TRPC7: variants seen among roughly 807,000 people sequenced by gnomAD.
The protein encoded by TRPC7 is short transient receptor potential channel 7.
In TRPC7, 42 loss-of-function variants were observed where a neutral mutation model predicts 90.1. That is an observed-to-expected ratio of 0.47 (90% CI 0.36 to 0.60). TRPC7 has a LOEUF of 0.60. Ranked by LOEUF, TRPC7 falls within the 20% of genes least tolerant of loss-of-function variation. The pLI, the probability that TRPC7 is intolerant of heterozygous loss-of-function variation, is 0.00. For missense variants in TRPC7, 955 were observed against 1,112.3 expected (o/e 0.86, Z 2.01); for synonymous variants, 451 against 436.3 (o/e 1.03, Z -0.42).
intron 3 of TRPC7, among the ~76,000 whole-genome samples, chr5:136,284,553 C>T (rs1439307392): frequency 1.3e-5 from 2 of 152,202 alleles, no homozygotes; most frequent in Non-Finnish European, 2.9e-5. Flanking sequence ...GAGCCAAGCA[C>T]TAGGGACACA....
chr5:136,289,543 T>C (rs111538245), intron 3 of TRPC7, among the ~76,000 whole-genome samples: 45 of 152,314 alleles, frequency 3.0e-4, no homozygotes, highest in African/African-American at 1.0e-3. Context: ...GCCTTGCTCA[T>C]TGCTAGCACA....
chr5:136,276,853 G>A (rs916771955), intron 3 of TRPC7, among the ~76,000 whole-genome samples: 1 of 152,252 alleles, frequency 6.6e-6, no homozygotes, highest in Non-Finnish European at 1.5e-5. Flanking sequence ...TCTAGTCATA[G>A]CACAGTCTCA....
At chr5:136,241,273 C>T (rs1475301726) in intron 7 of TRPC7, among the ~76,000 whole-genome samples, 1 of 152,228 alleles carries the variant, frequency 6.6e-6, no homozygotes, top group African/African-American at 2.4e-5. Flanking sequence ...GATTAGAAAA[C>T]TCTCAACCCA....
At chr5:136,227,243 T>C (rs765034495) in intron 8 of TRPC7, among the ~76,000 whole-genome samples, 5 of 152,116 alleles carry the variant, frequency 3.3e-5, no homozygotes, top group Non-Finnish European at 7.4e-5. Flanking sequence ...ACCTCTGTCC[T>C]AGGAGGGCAG....
At chr5:136,326,932 G>C (rs1314824433) in intron 2 of TRPC7, among the ~76,000 whole-genome samples, 1 of 152,150 alleles carries the variant, frequency 6.6e-6, no homozygotes, top group South Asian at 2.1e-4. Context: ...AGAAGACCTG[G>C]GGGGAGGTGA....
At position 136,357,431 on chromosome 5, in the gene TRPC7, C is replaced by G; in HGVS notation, c.3-46G>C. 3.3e-6 allele frequency: 5 copies of G among 1,533,186 alleles called. No homozygotes were observed. In the African/African-American group the frequency reaches 4.1e-5, roughly 13 times the overall value. The allele number at this position is 1,533,186 out of a possible 1,614,324, so 95.0% of individuals were successfully genotyped here. ...GCCCTGTTACTTTCCTGCGGATTCC[C>G]TAGCAGTAGAGCACACAAAAATGGT... On this transcript the variant is annotated intron_variant, in intron 1 of 11. Coordinates refer to ENST00000513104, the MANE Select transcript of TRPC7 (RefSeq NM_020389.3).
At chr5:136,293,368 CAT>C (rs1580912314) in intron 3 of TRPC7, among the ~76,000 whole-genome samples, 1 of 152,314 alleles carries the variant, frequency 6.6e-6, no homozygotes, top group East Asian at 1.9e-4. Context: ...TTGCAGATGA[CAT>C]GATTGTATAT....
At chr5:136,243,514 G>A (rs1184564057) in intron 7 of TRPC7, among the ~76,000 whole-genome samples, 1 of 152,006 alleles carries the variant, frequency 6.6e-6, no homozygotes, top group African/African-American at 2.4e-5. Context: ...TGGGTCAAAG[G>A]GAAGATTATG....
At chr5:136,293,197 A>G (rs1224719575) in intron 3 of TRPC7, among the ~76,000 whole-genome samples, 1 of 152,220 alleles carries the variant, frequency 6.6e-6, no homozygotes, top group African/African-American at 2.4e-5. Flanking sequence ...TGAATGGACA[A>G]AAACTGGAAG....
intron 2 of TRPC7, among the ~76,000 whole-genome samples, chr5:136,351,435 A>G (rs7711273): frequency 0.022 from 3,281 of 152,322 alleles, 126 homozygotes; most frequent in African/African-American, 0.075. Context: ...AATGTATAAT[A>G]TTTTTCCCAG....
At chr5:136,324,750 A>G (rs1338468591) in intron 2 of TRPC7, among the ~76,000 whole-genome samples, 1 of 152,204 alleles carries the variant, frequency 6.6e-6, no homozygotes, top group Admixed American at 6.5e-5. Context: ...AAAGGTATTG[A>G]CAAACTTAAA....
intron 7 of TRPC7, among the ~76,000 whole-genome samples, chr5:136,236,304 G>C (rs775714118): frequency 2.0e-5 from 3 of 152,178 alleles, no homozygotes; most frequent in Non-Finnish European, 4.4e-5. Flanking sequence ...CAGCCCCTCA[G>C]GTGCTTCTGC....
intron 10 of TRPC7, among the ~76,000 whole-genome samples, chr5:136,219,901 T>C (rs1452214978): frequency 6.6e-6 from 1 of 152,234 alleles, no homozygotes; most frequent in Non-Finnish European, 1.5e-5. Flanking sequence ...GGCCAAAAGT[T>C]CTGTTTAACA....
intron 2 of TRPC7, among the ~76,000 whole-genome samples, chr5:136,321,123 T>A (rs1759184865): frequency 6.6e-6 from 1 of 152,170 alleles, no homozygotes; most frequent in Non-Finnish European, 1.5e-5. Flanking sequence ...ACACAGCTAC[T>A]AAGTGATATA....
chr5:136,289,450 C>T (rs1205574774), intron 3 of TRPC7, among the ~76,000 whole-genome samples: 1 of 152,248 alleles, frequency 6.6e-6, no homozygotes, highest in Non-Finnish European at 1.5e-5. Flanking sequence ...CACCCTAATA[C>T]TGCGCTCTTC....
chr5:136,226,081 T>C lies in TRPC7; in HGVS notation c.2215A>G (p.Ser739Gly). The C allele has an allele frequency of 6.2e-7, 1 of 1,604,932 alleles. No individual in the cohort carries two copies. Among genetic ancestry groups the C allele is most frequent in the Non-Finnish European group, 8.5e-7 (1 of 1,175,260 alleles). The part of the protein sequence containing the change: ...LIKLCKSKAK[S>G]CENDLEMGML... Reference sequence around the variant, plus strand: ...CCCATTTCAAGGTCATTTTCACAGCTTTTGGCCTTAGATTTGCAGAGTTTT... The same window carrying C: ...CCCATTTCAAGGTCATTTTCACAGCCTTTGGCCTTAGATTTGCAGAGTTTT... The change falls in exon 9 of 12, where the codon AGC becomes GGC. Residue 739 changes from serine to glycine, a missense_variant. Coordinates refer to ENST00000513104, the MANE Select transcript of TRPC7 (RefSeq NM_020389.3).
intron 7 of TRPC7, among the ~76,000 whole-genome samples, chr5:136,235,187 A>T (rs1755945484): frequency 6.6e-6 from 1 of 152,230 alleles, no homozygotes; most frequent in African/African-American, 2.4e-5. Flanking sequence ...TGCAAACGTA[A>T]GACAAACAAT....
At position 136,306,996 on chromosome 5, in the gene TRPC7, G is replaced by A. The variant is rs138426560; in HGVS notation, c.963+8601C>T. 6.1e-3 allele frequency among the ~76,000 whole-genome samples: 931 copies of A among 152,276 alleles called. 9 individuals are homozygous for A. Among genetic ancestry groups the A allele is most frequent in the Non-Finnish European group, 8.7e-3 (591 of 68,034 alleles). On this transcript the variant is annotated intron_variant, in intron 3 of 11. Transcript: ENST00000513104. ...ATGTTGCTCACACAAAGCCTGTTTG[G>A]TGGTCTCTTCACACGGACATGCATG...
chr5:136,353,175 C>T (rs897585306), intron 2 of TRPC7, among the ~76,000 whole-genome samples: 13 of 152,164 alleles, frequency 8.5e-5, no homozygotes, highest in African/African-American at 2.9e-4. Context: ...AAAATAATGG[C>T]TTGCTAGCGG....
Sources: gnomAD v4.1 joint callset for allele counts (sites outside exome capture counted in the v4.1 genomes callset) on GRCh38, gnomAD v4.1.1 for gene constraint, MANE v1.5 for transcripts, NCBI Gene and HGNC (gene_info 2026-07-23, HGNC 2026-07-21) for gene names.